Variants in MALRD1 observed in about 807,000 individuals in gnomAD.
MALRD1 encodes the protein MAM and LDL receptor class A domain containing 1, also known as MAM and LDL-receptor class A domain-containing protein 1.
MALRD1 carries 247 observed loss-of-function variants against 242.1 expected under a neutral mutation model. The observed-to-expected ratio is 1.02, with a 90% CI of 0.92 to 1.13. The LOEUF (loss-of-function observed/expected upper bound fraction) is 1.13. Among genes scored for constraint, MALRD1 ranks in the 50% most tolerant of loss-of-function variants. MALRD1 has a pLI of 0.00. For synonymous variants in MALRD1, 995 were observed against 866.6 expected, an observed-to-expected ratio of 1.15 and a Z score of -2.60; for missense variants, 2,989 against 2,533.1, an observed-to-expected ratio of 1.18 and a Z score of -3.86.
chr10:19,595,232 C>A lies in MALRD1; in HGVS notation c.5719C>A (p.Gln1907Lys). Residue 1907 changes from glutamine to lysine, a missense_variant, in exon 34 of 40, where the codon CAG (glutamine) becomes AAG (lysine). Gln to Lys is a moderately conservative substitution (Grantham distance 53). Coordinates refer to ENST00000454679, the MANE Select transcript of MALRD1 (RefSeq NM_001142308.3). ...PVQPSPCEAD[Q>K]FSCIYTLQCV... ...GCAGCCATCACCCTGTGAAGCTGAT[C>A]AGTTTTCTTGTATCTACACACTCCA... is the stretch of plus-strand genomic sequence containing the variant. 6.5e-7 allele frequency: 1 copy of A among 1,550,270 alleles called. No individual in the cohort carries two copies. Among genetic ancestry groups the A allele is most frequent in the Non-Finnish European group, 8.7e-7 (1 of 1,146,830 alleles).
intron 12 of MALRD1, among the ~76,000 whole-genome samples, chr10:19,159,700 A>G (rs1762602449): frequency 6.6e-6 from 1 of 152,112 alleles, no homozygotes; most frequent in Non-Finnish European, 1.5e-5. Context: ...CTTCTGAATC[A>G]TGACCTTGGG....
chr10:19,108,387 C>CTTTT lies in MALRD1; in HGVS notation c.694+4347_694+4350dup, dbSNP rs35948766. Reference sequence around the variant, plus strand: ...TTATTGAGCTCATGAATTGTTTTTTCTTTTTTTTTTTTTTTTTTTTTTTTT... The same window carrying CTTTT: ...TTATTGAGCTCATGAATTGTTTTTTCTTTTTTTTTTTTTTTTTTTTTTTTTTTTT... On this transcript the variant is annotated intron_variant, in intron 5 of 39. Coordinates refer to ENST00000454679, the MANE Select transcript of MALRD1 (RefSeq NM_001142308.3). Among the ~76,000 whole-genome samples the CTTTT allele has an allele frequency of 2.5e-3, 50 of 19,764 alleles. 24 individuals carry two copies. The highest frequency in any genetic ancestry group is 8.3e-3 in the East Asian group (6 of 726). 13.0% of individuals were successfully genotyped at this position (19,764 alleles called of 152,430 possible).
Position 19,331,420 on chromosome 10 carries a change from G to T in MALRD1, c.3739G>T (p.Asp1247Tyr). The change falls in exon 24 of 40, where the codon GAT becomes TAT. Residue 1247 changes from aspartate (D) to tyrosine (Y), a missense_variant. Physicochemically the swap from Asp to Tyr is radical, Grantham distance 160. Coordinates refer to ENST00000454679, the MANE Select transcript of MALRD1 (RefSeq NM_001142308.3). ...CAGTTACATAGGAGATGTAGCAGTG[G>T]ATGATATTTCCTTCCAAGATTGCTC... ...GISYIGDVAVDDISFQDCSPL... is the reference protein window; with the variant it reads ...GISYIGDVAVYDISFQDCSPL... The T allele has an allele frequency of 6.4e-7, 1 of 1,550,562 alleles. No individual in the cohort carries two copies. Among genetic ancestry groups the T allele is most frequent in the Non-Finnish European group, 8.7e-7 (1 of 1,146,886 alleles).
rs560299960 is a variant in MALRD1 at position 19,545,487 on chromosome 10, G to A, written c.5478+14136G>A. ...TAGGTTGAAAATTATTTTTCCTTACGTAATTGAAGATGTGGCTGCATTGCA... is the reference window on the plus strand; with the variant it reads ...TAGGTTGAAAATTATTTTTCCTTACATAATTGAAGATGTGGCTGCATTGCA... On this transcript the variant is annotated intron_variant, in intron 32 of 39. Transcript: ENST00000454679. Among the ~76,000 whole-genome samples the A allele has an allele frequency of 6.0e-4, 92 of 152,224 alleles. 1 individual carries two copies. Among genetic ancestry groups the A allele is most frequent in the Non-Finnish European group, 9.9e-4 (67 of 68,020 alleles).
intron 21 of MALRD1, among the ~76,000 whole-genome samples, chr10:19,303,212 C>T (rs1842026145): frequency 6.6e-6 from 1 of 151,364 alleles, no homozygotes; most frequent in South Asian, 2.1e-4. Flanking sequence ...TATACTATCC[C>T]AAGACCAAAA....
chr10:19,687,930 T>C (rs930982699), intron 36 of MALRD1, among the ~76,000 whole-genome samples: 171 of 106,966 alleles, frequency 1.6e-3, no homozygotes, highest in African/African-American at 5.4e-3. Context: ...TATGTTATGT[T>C]ATGTTATGTT....
rs1834409369 is a variant in MALRD1 at position 19,531,364 on chromosome 10, G to A, written c.5478+13G>A. The A allele has an allele frequency of 1.5e-5, 23 of 1,513,422 alleles. No individual in the cohort carries two copies. The highest frequency in any genetic ancestry group is 2.0e-5 in the Non-Finnish European group (22 of 1,122,520). The allele number at this position is 1,513,422 out of a possible 1,614,324, so 93.7% of individuals were successfully genotyped here. On this transcript the variant is annotated intron_variant, in intron 32 of 39. Transcript: ENST00000454679. ...GGGAATATTAAAGGTACAAAAGGAA[G>A]CCAGAGATTTATGATCACTGAAATA...
At chr10:19,497,746 C>A (rs1196215069) in intron 30 of MALRD1, among the ~76,000 whole-genome samples, 1 of 152,106 alleles carries the variant, frequency 6.6e-6, no homozygotes, top group Non-Finnish European at 1.5e-5. Flanking sequence ...GTCATTCATT[C>A]TGTCTGTACA....
chr10:19,605,017 G>C (rs1838538500), intron 34 of MALRD1, among the ~76,000 whole-genome samples: 2 of 151,908 alleles, frequency 1.3e-5, no homozygotes, highest in South Asian at 4.1e-4. Flanking sequence ...TTATTTCCTA[G>C]TTTACTTGGT....
chr10:19,687,948 GTTATGTTA>G (rs1842653779), intron 36 of MALRD1, among the ~76,000 whole-genome samples: 1 of 150,564 alleles, frequency 6.6e-6, no homozygotes, highest in African/African-American at 2.4e-5. Context: ...GTTATGTTAT[GTTATGTTA>G]TGTTATGTTA....
At chr10:19,543,273 T>A (rs1056689562) in intron 32 of MALRD1, among the ~76,000 whole-genome samples, 1 of 149,344 alleles carries the variant, frequency 6.7e-6, no homozygotes, top group Non-Finnish European at 1.5e-5. Flanking sequence ...GTTTTATTTA[T>A]CTTTTTTTGA....
At chr10:19,290,702 G>A (rs1311942599) in intron 21 of MALRD1, among the ~76,000 whole-genome samples, 1 of 152,090 alleles carries the variant, frequency 6.6e-6, no homozygotes, top group Admixed American at 6.5e-5. Context: ...TACTAAGGCA[G>A]TTGGCAAAAT....
intron 32 of MALRD1, among the ~76,000 whole-genome samples, chr10:19,565,455 A>G (rs763291163): frequency 6.6e-6 from 1 of 152,220 alleles, no homozygotes; most frequent in Non-Finnish European, 1.5e-5. Context: ...ATTACAAAAT[A>G]AATATAATAA....
intron 16 of MALRD1, 65 bp from the exon 17 acceptor site, chr10:19,204,833 C>G: frequency 7.0e-7 from 1 of 1,429,608 alleles, no homozygotes; most frequent in Non-Finnish European, 9.3e-7. Flanking sequence ...GTAGAAAAAT[C>G]TAAAGGTTAA....
At chr10:19,111,335 A>G (rs1195569319) in intron 5 of MALRD1, among the ~76,000 whole-genome samples, 1 of 152,244 alleles carries the variant, frequency 6.6e-6, no homozygotes, top group Non-Finnish European at 1.5e-5. Context: ...TGTTCTAGAC[A>G]TCATTATAAC....
At chr10:19,668,371 C>A (rs570992428) in intron 36 of MALRD1, among the ~76,000 whole-genome samples, 116 of 152,044 alleles carry the variant, frequency 7.6e-4, no homozygotes, top group Non-Finnish European at 1.5e-3. Flanking sequence ...GGGCATGCAC[C>A]AAGAAAGGGA....
At chr10:19,712,317 T>C (rs2131876283) in intron 38 of MALRD1, among the ~76,000 whole-genome samples, 1 of 152,332 alleles carries the variant, frequency 6.6e-6, no homozygotes, top group Non-Finnish European at 1.5e-5. Context: ...TGTTTTTAAA[T>C]AGGTTATTTT....
chr10:19,332,937 A>T (rs1199348104), intron 24 of MALRD1, among the ~76,000 whole-genome samples: 2 of 152,128 alleles, frequency 1.3e-5, no homozygotes, highest in African/African-American at 4.8e-5. Flanking sequence ...GGTTTGTTAC[A>T]TAGGTATACA....
chr10:19,266,658 AT>A (rs1035259033), intron 19 of MALRD1, among the ~76,000 whole-genome samples: 5 of 152,102 alleles, frequency 3.3e-5, no homozygotes, highest in African/African-American at 1.2e-4. Flanking sequence ...GATAAATGTT[AT>A]TAAAAATAAC....
Sources: gnomAD v4.1 joint callset for allele counts (sites outside exome capture counted in the v4.1 genomes callset) on GRCh38, gnomAD v4.1.1 for gene constraint, MANE v1.5 for transcripts, NCBI Gene and HGNC (gene_info 2026-07-23, HGNC 2026-07-21) for gene names.